Variants in CCDC6 observed in about 807,000 individuals in gnomAD.
CCDC6 encodes the protein coiled-coil domain-containing protein 6.
Under a neutral mutation model 56.6 loss-of-function variants are expected in CCDC6, and 20 were observed. That is an observed-to-expected ratio of 0.35 (90% confidence interval 0.25 to 0.51). The LOEUF (loss-of-function observed/expected upper bound fraction) is 0.51. Among genes scored for constraint, CCDC6 ranks in the 20% least tolerant of loss-of-function variants. CCDC6 has a pLI of 0.95. For synonymous variants in CCDC6, 241 were observed against 234.4 expected (o/e 1.03, Z -0.26); for missense variants, 367 against 601.1 (o/e 0.61, Z 4.07).
intron 1 of CCDC6, among the ~76,000 whole-genome samples, chr10:59,871,500 G>A (rs946990718): frequency 7.1e-6 from 1 of 141,842 alleles, no homozygotes; most frequent in Admixed American, 7.2e-5. Flanking sequence ...AAAAGTTGAT[G>A]CACTACTGAT....
intron 1 of CCDC6, among the ~76,000 whole-genome samples, chr10:59,863,046 T>C (rs1290675600): frequency 6.6e-6 from 1 of 151,856 alleles, no homozygotes; most frequent in Non-Finnish European, 1.5e-5. Flanking sequence ...TCAAAAGAAA[T>C]ACATTAAATA....
chr10:59,891,477 T>G (rs1001190633), intron 1 of CCDC6, among the ~76,000 whole-genome samples: 3 of 152,002 alleles, frequency 2.0e-5, no homozygotes, highest in Non-Finnish European at 4.4e-5. Context: ...AGCCTACCGG[T>G]TTTCATTTGT....
In CCDC6 at chr10:59,818,003, C is replaced by G. The variant is rs527253586; in HGVS notation, c.583-3248G>C. 9.2e-5 allele frequency among the ~76,000 whole-genome samples: 14 copies of G among 152,216 alleles called. No individual in the cohort carries two copies. In the South Asian group the frequency reaches 2.7e-3, roughly 29 times the overall value. On this transcript the variant is annotated intron_variant, in intron 3 of 8. Coordinates refer to ENST00000263102, the MANE Select transcript of CCDC6 (RefSeq NM_005436.5). ...GATGACATGACTCAGGCAGTCATGC[C>G]ACCAAGATAGGAACGGATATCGGTC...
chr10:59,884,250 A>G (rs1010705869), intron 1 of CCDC6, among the ~76,000 whole-genome samples: 1 of 152,228 alleles, frequency 6.6e-6, no homozygotes, highest in Non-Finnish European at 1.5e-5. Flanking sequence ...AAACAAAAAA[A>G]TAAGATGTTC....
Position 59,892,891 on chromosome 10 carries a change from A to G in CCDC6, c.303+13231T>C, listed in dbSNP as rs556235028. 1.4e-4 allele frequency among the ~76,000 whole-genome samples: 21 copies of G among 150,828 alleles called. No homozygotes were observed. The South Asian group carries it at 4.0e-3, about 29-fold the overall frequency. On this transcript the variant is annotated intron_variant, in intron 1 of 8. Coordinates refer to ENST00000263102, the MANE Select transcript of CCDC6 (RefSeq NM_005436.5). ...GCCTGAATGTCCTCTGCTGTGTCAC[A>G]CTCCTTTCACGTCATCCCGCTGCCC...
In CCDC6 at chr10:59,841,619, G is replaced by A. The variant is rs187211545; in HGVS notation, c.454-8966C>T. Among the ~76,000 whole-genome samples the A allele has an allele frequency of 4.9e-4, 74 of 151,444 alleles. 1 individual carries two copies. The highest frequency in any genetic ancestry group is 2.2e-3 in the Admixed American group (33 of 15,238). ...CTTTCTGCACTGGCTAGAAATCCAC[G>A]ACAACAATCAATATAGGTAAATGCA... is the stretch of plus-strand genomic sequence containing the variant. On this transcript the variant is annotated intron_variant, in intron 2 of 8. Transcript: ENST00000263102.
chr10:59,866,050 C>G (rs2071174356), intron 1 of CCDC6, among the ~76,000 whole-genome samples: 1 of 151,968 alleles, frequency 6.6e-6, no homozygotes, highest in Non-Finnish European at 1.5e-5. Context: ...ATAATAAGTT[C>G]CCAACCAGAA....
Position 59,790,939 on chromosome 10 carries a change from C to T in CCDC6, c.*1978G>A, listed in dbSNP as rs2070462386. 9.8e-6 allele frequency: 2 copies of T among 203,604 alleles called. No homozygotes were observed. The highest frequency in any genetic ancestry group is 1.7e-3 in the Middle Eastern group (1 of 606). 12.6% of individuals were successfully genotyped at this position (203,604 alleles called of 1,614,324 possible). A position where few individuals can be genotyped will look rare whatever the true frequency, so the allele number is the denominator to read the frequency against. The stretch of plus-strand genomic sequence containing the variant: ...TATCCACAGCATTGAAATCTATAAT[C>T]TCATAAAAGATTCTTATAAACATAT... On this transcript the variant is annotated 3_prime_UTR_variant, in exon 9 of 9. Transcript: ENST00000263102.
intron 1 of CCDC6, among the ~76,000 whole-genome samples, chr10:59,879,888 G>A (rs1276116517): frequency 4.6e-5 from 7 of 152,114 alleles, no homozygotes; most frequent in Non-Finnish European, 8.8e-5. Context: ...TGTGCCTAGA[G>A]GTCTTTGAGG....
At chr10:59,811,651 A>C (rs2070672648) in intron 5 of CCDC6, among the ~76,000 whole-genome samples, 1 of 152,126 alleles carries the variant, frequency 6.6e-6, no homozygotes, top group Non-Finnish European at 1.5e-5. Context: ...GAACCTGTGA[A>C]TCCCAAGTAT....
At chr10:59,863,575 G>A (rs1367239128) in intron 1 of CCDC6, among the ~76,000 whole-genome samples, 1 of 152,214 alleles carries the variant, frequency 6.6e-6, no homozygotes, top group Non-Finnish European at 1.5e-5. Flanking sequence ...GTGGTGGGGA[G>A]AGGGATAGTG....
intron 7 of CCDC6, among the ~76,000 whole-genome samples, chr10:59,797,220 T>A (rs1322292665): frequency 2.0e-5 from 3 of 151,824 alleles, no homozygotes; most frequent in Admixed American, 6.6e-5. Flanking sequence ...AGACACAGAG[T>A]AGAATGGCGG....
chr10:59,843,374 T>C (rs554658394), intron 2 of CCDC6, among the ~76,000 whole-genome samples: 3 of 152,350 alleles, frequency 2.0e-5, no homozygotes, highest in East Asian at 3.9e-4. Flanking sequence ...GTCCACATCA[T>C]ATAAATTTCA....
At chr10:59,897,504 C>A (rs969391041) in intron 1 of CCDC6, among the ~76,000 whole-genome samples, 12 of 152,162 alleles carry the variant, frequency 7.9e-5, no homozygotes, top group Admixed American at 7.9e-4. Context: ...ATCCGCCTGC[C>A]TCGGCCTCCC....
chr10:59,855,186 G>GC (rs1269339958), intron 1 of CCDC6, among the ~76,000 whole-genome samples: 1 of 152,134 alleles, frequency 6.6e-6, no homozygotes, highest in Admixed American at 6.5e-5. Flanking sequence ...TATTTGTGAA[G>GC]CCACCCCTCC....
At chr10:59,899,552 C>T (rs1322867713) in intron 1 of CCDC6, among the ~76,000 whole-genome samples, 1 of 152,192 alleles carries the variant, frequency 6.6e-6, no homozygotes. Context: ...TTTTCAGATG[C>T]TTCCCCCATC....
intron 2 of CCDC6, among the ~76,000 whole-genome samples, chr10:59,833,612 C>T (rs575175922): frequency 6.6e-4 from 80 of 121,324 alleles, no homozygotes; most frequent in African/African-American, 2.5e-3. Flanking sequence ...CATTAATAAT[C>T]GCGCGTTATT....
At chr10:59,831,486 GA>G (rs2070835841) in intron 3 of CCDC6, among the ~76,000 whole-genome samples, 1 of 152,198 alleles carries the variant, frequency 6.6e-6, no homozygotes, top group Non-Finnish European at 1.5e-5. Flanking sequence ...GTGACTGATG[GA>G]ATGAGTTAAC....
intron 2 of CCDC6, among the ~76,000 whole-genome samples, chr10:59,835,080 G>A (rs2070870310): frequency 6.6e-6 from 1 of 152,194 alleles, no homozygotes; most frequent in Admixed American, 6.5e-5. Flanking sequence ...GAGATGATAA[G>A]CTTAAGTCTT....
Sources: gnomAD v4.1 joint callset for allele counts (sites outside exome capture counted in the v4.1 genomes callset) on GRCh38, gnomAD v4.1.1 for gene constraint, MANE v1.5 for transcripts, NCBI Gene and HGNC (gene_info 2026-07-23, HGNC 2026-07-21) for gene names.